PCDH11X: variants seen among roughly 807,000 people sequenced by gnomAD.
PCDH11X encodes the protein protocadherin-11 X-linked.
In PCDH11X, 18 loss-of-function variants were observed where a neutral mutation model predicts 53.3. The ratio of observed to expected loss-of-function variants is 0.34; its 90% CI spans 0.23 to 0.50. The LOEUF (loss-of-function observed/expected upper bound fraction) is 0.50. PCDH11X is among the 20% of genes least tolerant of loss of function. The pLI, the probability that PCDH11X is intolerant of heterozygous loss-of-function variation, is 0.98. For synonymous variants in PCDH11X, 279 were observed against 393.3 expected (o/e 0.71, Z 3.44); for missense variants, 570 against 1,032.4 (o/e 0.55, Z 6.14).
Position 92,545,330 on chromosome X carries a change from A to G in PCDH11X, c.3368-72934A>G, listed in dbSNP as rs760331339. Among the ~76,000 whole-genome samples, 23 of 108,901 alleles carry G rather than the reference A, an allele frequency of 2.1e-4. No individual in the cohort carries two copies. The South Asian group carries it at 9.4e-3, about 44-fold the overall frequency. 94.6% of individuals were successfully genotyped at this position (108,901 alleles called of 115,157 possible). A position where few individuals can be genotyped will look rare whatever the true frequency, so the allele number is the denominator to read the frequency against. ...ACATAAGAGACATGTAGTCTATCAA[A>G]TAAGGAGAGTGGTTAAAGTCTCGTT... On this transcript the variant is annotated intron_variant, in intron 10 of 10. Transcript: ENST00000682573.
intron 7 of PCDH11X, among the ~76,000 whole-genome samples, chrX:92,223,130 C>T (rs965515023): frequency 1.8e-5 from 2 of 112,164 alleles, no homozygotes; most frequent in Non-Finnish European, 3.8e-5. Context: ...GGATTACAGG[C>T]GTGAGCCACA....
At chrX:91,808,707 T>A (rs1380486972) in intron 1 of PCDH11X, among the ~76,000 whole-genome samples, 1 of 109,699 alleles carries the variant, frequency 9.1e-6, no homozygotes, top group Non-Finnish European at 1.9e-5. Flanking sequence ...TGAAAAAAAA[T>A]AATAAAATTT....
intron 8 of PCDH11X, among the ~76,000 whole-genome samples, chrX:92,263,888 T>C (rs2067769866): frequency 8.9e-6 from 1 of 112,408 alleles, no homozygotes; most frequent in Admixed American, 9.4e-5. Flanking sequence ...AACATTTCTT[T>C]CCTAGCATTT....
chrX:92,189,909 G>T (rs1438058355), intron 6 of PCDH11X, among the ~76,000 whole-genome samples: 1 of 111,423 alleles, frequency 9.0e-6, no homozygotes, highest in African/African-American at 3.3e-5. Flanking sequence ...TCTTAATGGG[G>T]TTGTTTGTTT....
At chrX:92,518,800 A>G (rs1471169186) in intron 10 of PCDH11X, among the ~76,000 whole-genome samples, 1 of 83,268 alleles carries the variant, frequency 1.2e-5, no homozygotes, top group Non-Finnish European at 2.1e-5. Flanking sequence ...TCTGTCGCCC[A>G]GGCTGGAGTG....
intron 6 of PCDH11X, among the ~76,000 whole-genome samples, chrX:92,016,273 T>C (rs1322104553): frequency 1.8e-5 from 2 of 109,837 alleles, no homozygotes; most frequent in African/African-American, 6.6e-5. Flanking sequence ...TTCAGAATAG[T>C]AAATGATCAT....
intron 1 of PCDH11X, among the ~76,000 whole-genome samples, chrX:91,787,746 T>C (rs1935380527): frequency 9.1e-6 from 1 of 109,750 alleles, no homozygotes; most frequent in Middle Eastern, 4.2e-3. Flanking sequence ...TTGTCCAGCA[T>C]TGCAATACTT....
chrX:92,355,203 G>A (rs376943696), intron 8 of PCDH11X, among the ~76,000 whole-genome samples: 1,946 of 95,123 alleles, frequency 0.02, 50 homozygotes, highest in African/African-American at 0.059. Context: ...CGAGGCGGGC[G>A]GATCATGAGG....
rs774520813 is a variant in PCDH11X, at chrX:92,575,056, C to T, written c.3368-43208C>T. On this transcript the variant is annotated intron_variant, in intron 10 of 10. Transcript: ENST00000682573. ...CAGAATGCTTAAAATATAAGAAAAACAAGTATGCCGTTTTTCATCACTTCA... is the reference window on the plus strand; with the variant it reads ...CAGAATGCTTAAAATATAAGAAAAATAAGTATGCCGTTTTTCATCACTTCA... Among the ~76,000 whole-genome samples, 298 of 110,593 alleles carry T rather than the reference C, an allele frequency of 2.7e-3. 2 individuals carry two copies. Among genetic ancestry groups the T allele is most frequent in the South Asian group, 0.016 (42 of 2,632 alleles).
chrX:92,493,537 A>G (rs1156773766), intron 10 of PCDH11X, among the ~76,000 whole-genome samples: 1 of 109,461 alleles, frequency 9.1e-6, no homozygotes, highest in East Asian at 2.9e-4. Context: ...GTCAAAACCC[A>G]TTTTTAGGAA....
In PCDH11X at chrX:92,147,988, T is replaced by C. The variant is rs191269181; in HGVS notation, c.3034-53387T>C. On this transcript the variant is annotated intron_variant, in intron 6 of 10. Transcript: ENST00000682573. The stretch of plus-strand genomic sequence containing the variant: ...CCCTTCCTTCCTTCCTTCCTTCCTT[T>C]CTTTCTTTCTTTCTTTCTTTTTCTT... 7.2e-3 allele frequency among the ~76,000 whole-genome samples: 574 copies of C among 79,244 alleles called. 24 individuals carry two copies. The highest frequency in any genetic ancestry group is 0.039 in the African/African-American group (514 of 13,072). 68.8% of individuals were successfully genotyped at this position (79,244 alleles called of 115,157 possible).
chrX:92,230,444 T>TA, intron 7 of PCDH11X, among the ~76,000 whole-genome samples: 1 of 15,090 alleles, frequency 6.6e-5, no homozygotes, highest in East Asian at 6.8e-3. Context: ...TATTATATAT[T>TA]TATATATAAT....
intron 7 of PCDH11X, among the ~76,000 whole-genome samples, chrX:92,203,194 T>C (rs1159056956): frequency 8.9e-6 from 1 of 112,502 alleles, no homozygotes; most frequent in Admixed American, 9.4e-5. Context: ...TTATTTGTTA[T>C]AGGATAAATA....
At chrX:92,428,152 T>A (rs989403627) in intron 9 of PCDH11X, among the ~76,000 whole-genome samples, 4 of 107,801 alleles carry the variant, frequency 3.7e-5, no homozygotes, top group African/African-American at 1.4e-4. Flanking sequence ...GCAGAATATA[T>A]GTGTGCATCA....
At chrX:92,278,634 G>A (rs2068167321) in intron 8 of PCDH11X, among the ~76,000 whole-genome samples, 1 of 109,996 alleles carries the variant, frequency 9.1e-6, no homozygotes, top group African/African-American at 3.3e-5. Flanking sequence ...ACTCAGTTAA[G>A]GTGGGGCAGG....
intron 4 of PCDH11X, among the ~76,000 whole-genome samples, chrX:91,834,359 T>C (rs1001056646): frequency 1.8e-5 from 2 of 110,182 alleles, no homozygotes; most frequent in African/African-American, 6.6e-5. Flanking sequence ...ATTTTAAAGC[T>C]TTCAGTGAGT....
intron 8 of PCDH11X, among the ~76,000 whole-genome samples, chrX:92,270,552 A>G (rs767935584): frequency 8.9e-6 from 1 of 111,939 alleles, no homozygotes; most frequent in South Asian, 3.7e-4. Flanking sequence ...TGCCAATGTG[A>G]AGGACATGCC....
chrX:92,557,930 C>T (rs1349979273), intron 10 of PCDH11X, among the ~76,000 whole-genome samples: 1 of 108,717 alleles, frequency 9.2e-6, no homozygotes, highest in Non-Finnish European at 1.9e-5. Flanking sequence ...TGGCAAAAGG[C>T]AAAGCAGGCA....
intron 6 of PCDH11X, among the ~76,000 whole-genome samples, chrX:92,075,006 A>G (rs755261957): frequency 9.9e-5 from 11 of 111,237 alleles, no homozygotes; most frequent in African/African-American, 2.9e-4. Context: ...TAACCACTCC[A>G]TGGGTATAGA....
Sources: allele counts gnomAD v4.1 joint callset (sites outside exome capture counted in the v4.1 genomes callset), GRCh38; gene constraint gnomAD v4.1.1; transcripts MANE v1.5; gene names NCBI Gene and HGNC (gene_info 2026-07-23, HGNC 2026-07-21).